Variants in LHFPL3 observed in about 807,000 individuals in gnomAD.
LHFPL3 encodes LHFPL tetraspan subfamily member 3 protein.
In LHFPL3, 5 loss-of-function variants were observed where a neutral mutation model predicts 19.3. That is an observed-to-expected ratio of 0.26 (90% CI 0.14 to 0.54). The LOEUF (loss-of-function observed/expected upper bound fraction) is 0.54. Ranked by LOEUF, LHFPL3 falls within the 20% of genes least tolerant of loss-of-function variation. The probability of loss-of-function intolerance (pLI) is 0.94; values close to 1 mark genes in which losing one functional copy is unlikely to be tolerated. For missense variants in LHFPL3, 249 were observed against 307.4 expected (o/e 0.81, Z 1.42); for synonymous variants, 133 against 126.2 (o/e 1.05, Z -0.36).
chr7:104,599,376 G>A (rs906515886), intron 1 of LHFPL3, among the ~76,000 whole-genome samples: 1 of 151,836 alleles, frequency 6.6e-6, no homozygotes, highest in South Asian at 2.1e-4. Context: ...ACATTTTCTT[G>A]TAAGCAAAAT....
intron 1 of LHFPL3, among the ~76,000 whole-genome samples, chr7:104,384,787 C>CAA (rs771136918): frequency 1.2e-4 from 9 of 74,548 alleles, no homozygotes; most frequent in African/African-American, 3.2e-4. Context: ...AACTCTATTT[C>CAA]AAAAAAAAAA....
At chr7:104,674,032 C>G (rs1792538870) in intron 1 of LHFPL3, among the ~76,000 whole-genome samples, 1 of 150,252 alleles carries the variant, frequency 6.7e-6, no homozygotes, top group Non-Finnish European at 1.5e-5. Flanking sequence ...TTTTCCAAGA[C>G]TTTTCCAGGA....
intron 2 of LHFPL3, among the ~76,000 whole-genome samples, chr7:104,784,927 G>A (rs1789884694): frequency 1.3e-5 from 2 of 152,116 alleles, no homozygotes; most frequent in South Asian, 4.1e-4. Flanking sequence ...GGGAAGTGGG[G>A]AGCCATTGCT....
intron 1 of LHFPL3, among the ~76,000 whole-genome samples, chr7:104,712,440 C>G (rs919318765): frequency 1.3e-5 from 2 of 152,214 alleles, no homozygotes; most frequent in Non-Finnish European, 2.9e-5. Flanking sequence ...GGGCACTAAT[C>G]ACATTCATGA....
At chr7:104,637,045 C>G (rs1791741673) in intron 1 of LHFPL3, among the ~76,000 whole-genome samples, 2 of 152,112 alleles carry the variant, frequency 1.3e-5, no homozygotes, top group African/African-American at 4.8e-5. Context: ...TCGCTAGCAT[C>G]TGCTTTTTTT....
At chr7:104,903,511 C>A (rs915490006) in intron 2 of LHFPL3, among the ~76,000 whole-genome samples, 14 of 147,854 alleles carry the variant, frequency 9.5e-5, no homozygotes, top group Non-Finnish European at 1.8e-4. Context: ...GTCACCCAGG[C>A]TGGAGTGCAG....
At chr7:104,369,230 A>C (rs2116426793) in intron 1 of LHFPL3, among the ~76,000 whole-genome samples, 1 of 152,302 alleles carries the variant, frequency 6.6e-6, no homozygotes, top group South Asian at 2.1e-4. Flanking sequence ...CTTGAGGCCA[A>C]GTTCCACCTC....
intron 1 of LHFPL3, chr7:104,669,618 T>A: frequency 6.4e-7 from 1 of 1,571,916 alleles, no homozygotes; most frequent in East Asian, 2.2e-5. Flanking sequence ...CTCTCCACCC[T>A]GGAACATTCG....
chr7:104,543,460 C>T (rs2115882897), intron 1 of LHFPL3, among the ~76,000 whole-genome samples: 1 of 152,016 alleles, frequency 6.6e-6, no homozygotes, highest in African/African-American at 2.4e-5. Flanking sequence ...AAGACACATG[C>T]ACACGTATAT....
rs149434604 is a variant in LHFPL3, at chr7:104,831,714, A to AC, written c.683-74473_683-74472insC. ...GGGGATTTTTCTCCTTCACACACAC[A>AC]AAAAAAAGATGCTTTAAAAAATGTT... is the stretch of plus-strand genomic sequence containing the variant. On this transcript the variant is annotated intron_variant, in intron 2 of 2. Coordinates refer to ENST00000424859, the MANE Select transcript of LHFPL3 (RefSeq NM_199000.3). 7.1e-3 allele frequency among the ~76,000 whole-genome samples: 900 copies of AC among 126,550 alleles called. 7 individuals are homozygous for AC. The highest frequency in any genetic ancestry group is 0.011 in the Non-Finnish European group (619 of 56,388). The allele number at this position is 126,550 out of a possible 152,430, so 83.0% of individuals were successfully genotyped here.
intron 1 of LHFPL3, among the ~76,000 whole-genome samples, chr7:104,419,347 T>G (rs537758011): frequency 6.6e-6 from 1 of 152,250 alleles, no homozygotes; most frequent in African/African-American, 2.4e-5. Context: ...GAAAGAGAGA[T>G]AATAGAATCT....
chr7:104,340,617 A>G (rs756871922), intron 1 of LHFPL3, among the ~76,000 whole-genome samples: 2 of 152,196 alleles, frequency 1.3e-5, no homozygotes, highest in Non-Finnish European at 2.9e-5. Context: ...AATGAAGGCA[A>G]TTGAGTGGCG....
chr7:104,413,675 C>T (rs575079091), intron 1 of LHFPL3, among the ~76,000 whole-genome samples: 3 of 152,306 alleles, frequency 2.0e-5, no homozygotes, highest in Non-Finnish European at 4.4e-5. Context: ...GCGTCCTTCA[C>T]CTTCATGTCC....
chr7:104,517,523 T>G (rs1283370298), intron 1 of LHFPL3, among the ~76,000 whole-genome samples: 1 of 142,106 alleles, frequency 7.0e-6, no homozygotes, highest in Non-Finnish European at 1.5e-5. Flanking sequence ...TTTTTTTTTT[T>G]GAGATGGAGT....
chr7:104,494,166 A>G (rs1422588032), intron 1 of LHFPL3, among the ~76,000 whole-genome samples: 1 of 152,216 alleles, frequency 6.6e-6, no homozygotes, highest in Non-Finnish European at 1.5e-5. Context: ...GCTTCTCATT[A>G]CCATAAAATT....
intron 1 of LHFPL3, among the ~76,000 whole-genome samples, chr7:104,537,979 G>A (rs984319433): frequency 2.6e-5 from 4 of 152,130 alleles, no homozygotes; most frequent in Admixed American, 2.0e-4. Flanking sequence ...GTGAATAGAA[G>A]TCAAGGCAAG....
At chr7:104,418,235 A>T (rs1791663161) in intron 1 of LHFPL3, among the ~76,000 whole-genome samples, 1 of 152,148 alleles carries the variant, frequency 6.6e-6, no homozygotes, top group Admixed American at 6.5e-5. Flanking sequence ...TTATTTACTC[A>T]TTGTTTCTAC....
intron 1 of LHFPL3, among the ~76,000 whole-genome samples, chr7:104,511,567 G>T (rs1793813235): frequency 6.6e-6 from 1 of 152,184 alleles, no homozygotes; most frequent in African/African-American, 2.4e-5. Flanking sequence ...AAGCAACCCA[G>T]ATGTCTTTCA....
At chr7:104,787,362 C>A (rs1789937206) in intron 2 of LHFPL3, among the ~76,000 whole-genome samples, 1 of 152,178 alleles carries the variant, frequency 6.6e-6, no homozygotes, top group African/African-American at 2.4e-5. Context: ...TATTGTCTTT[C>A]TTCAGGCGCC....
Sources: allele counts gnomAD v4.1 joint callset (sites outside exome capture counted in the v4.1 genomes callset), GRCh38; gene constraint gnomAD v4.1.1; transcripts MANE v1.5; gene names NCBI Gene and HGNC (gene_info 2026-07-23, HGNC 2026-07-21).